Variants in SHC3 observed in about 807,000 individuals in gnomAD.
SHC3 encodes the protein SHC adaptor protein 3, also known as SHC-transforming protein 3.
SHC3 carries 15 observed loss-of-function variants against 60.4 expected under a neutral mutation model. The observed-to-expected ratio is 0.25, with a 90% CI of 0.17 to 0.38. SHC3 has a LOEUF of 0.38. SHC3 is among the 10% of genes least tolerant of loss of function. The probability of loss-of-function intolerance (pLI) is 1.00; values close to 1 mark genes in which losing one functional copy is unlikely to be tolerated. For synonymous variants in SHC3, 294 were observed against 325.9 expected (o/e 0.90, Z 1.05); for missense variants, 677 against 786.1 (o/e 0.86, Z 1.66).
At chr9:89,145,514 C>T (rs1415747681) in intron 1 of SHC3, among the ~76,000 whole-genome samples, 1 of 152,094 alleles carries the variant, frequency 6.6e-6, no homozygotes, top group Non-Finnish European at 1.5e-5. Flanking sequence ...CACAAATGGA[C>T]AAAACGATAA....
chr9:89,035,865 G>GA lies in SHC3; in HGVS notation c.1656+2127_1656+2128insT, dbSNP rs1564089090. Among the ~76,000 whole-genome samples the GA allele has an allele frequency of 1.8e-4, 19 of 103,624 alleles. No homozygotes were observed. The East Asian group carries it at 2.7e-3, about 15-fold the overall frequency. The allele number at this position is 103,624 out of a possible 152,430, so 68.0% of individuals were successfully genotyped here. Reference sequence around the variant, plus strand: ...TATATATATAGATGTGTGTGTGTGTGTGTGTGTGTGTGTGTGTGTGTGTGT... The same window carrying GA: ...TATATATATAGATGTGTGTGTGTGTGATGTGTGTGTGTGTGTGTGTGTGTGT... On this transcript the variant is annotated intron_variant, in intron 11 of 11. Coordinates refer to ENST00000375835, the MANE Select transcript of SHC3 (RefSeq NM_016848.6).
chr9:89,077,083 A>G (rs1366088365), intron 3 of SHC3, among the ~76,000 whole-genome samples: 2 of 152,084 alleles, frequency 1.3e-5, no homozygotes, highest in Non-Finnish European at 1.5e-5. Flanking sequence ...AGGCTGAGCC[A>G]GGAGAATCGC....
In SHC3 at chr9:89,178,529, A is replaced by G. The variant is rs1826983589; in HGVS notation, c.-69T>C. 7.4e-7 allele frequency: 1 copy of G among 1,347,462 alleles called. No individual in the cohort carries two copies. Among genetic ancestry groups the G allele is most frequent in the Non-Finnish European group, 9.7e-7 (1 of 1,032,972 alleles). The allele number at this position is 1,347,462 out of a possible 1,614,324, so 83.5% of individuals were successfully genotyped here. On this transcript the variant is annotated 5_prime_UTR_variant, in exon 1 of 12. An upstream start codon of the reference 5' UTR is lost. Transcript: ENST00000375835. This position sits in a 1 kb window ranked among gnomAD's most constrained non-coding sequence, Gnocchi z 6.9. ...CCGGCCCCGGCGCGGGCTGCCGCGCATAGCAGGCGAGCCACTGTCCCCGGA... is the reference window on the plus strand; with the variant it reads ...CCGGCCCCGGCGCGGGCTGCCGCGCGTAGCAGGCGAGCCACTGTCCCCGGA...
chr9:89,040,026 C>T (rs891441838), intron 10 of SHC3, among the ~76,000 whole-genome samples: 3 of 149,656 alleles, frequency 2.0e-5, no homozygotes, highest in Admixed American at 6.7e-5. Context: ...CCACCACCAT[C>T]GGCATCACCA....
At chr9:89,022,143 A>G (rs1826211703) in intron 11 of SHC3, among the ~76,000 whole-genome samples, 1 of 152,044 alleles carries the variant, frequency 6.6e-6, no homozygotes, top group Non-Finnish European at 1.5e-5. Flanking sequence ...CCACATCCCA[A>G]CAGGGCTGGA....
chr9:89,140,164 T>C (rs1457486593), intron 1 of SHC3, among the ~76,000 whole-genome samples: 1 of 152,198 alleles, frequency 6.6e-6, no homozygotes, highest in Non-Finnish European at 1.5e-5. Flanking sequence ...CTTTTTTATA[T>C]CACAAACACA....
intron 1 of SHC3, among the ~76,000 whole-genome samples, chr9:89,161,063 C>A (rs80297711): frequency 6.6e-6 from 1 of 152,182 alleles, no homozygotes; most frequent in Non-Finnish European, 1.5e-5. Context: ...GTATTTAACA[C>A]GGGCTCCTGC....
rs370707584 is a variant in SHC3 at position 89,009,752 on chromosome 9, A to G, written c.*3695T>C. Reference sequence around the variant, plus strand: ...CGAGGCTTCTGCCCAGCTCAGCCCAACAGAAAAGAAATGTGTGACTGCCTT... The same window carrying G: ...CGAGGCTTCTGCCCAGCTCAGCCCAGCAGAAAAGAAATGTGTGACTGCCTT... On this transcript the variant is annotated 3_prime_UTR_variant, in exon 12 of 12. Transcript: ENST00000375835. 9 of 152,350 alleles carry G rather than the reference A, an allele frequency of 5.9e-5. No individual in the cohort carries two copies. Among genetic ancestry groups the G allele is most frequent in the African/African-American group, 2.2e-4 (9 of 41,560 alleles). The allele number at this position is 152,350 out of a possible 1,614,324, so 9.4% of individuals were successfully genotyped here.
intron 2 of SHC3, among the ~76,000 whole-genome samples, chr9:89,105,221 A>T (rs574492184): frequency 3.3e-5 from 5 of 152,230 alleles, no homozygotes; most frequent in Admixed American, 3.3e-4. Context: ...TTTCTGAAGG[A>T]TGTGAGCCCC....
chr9:89,077,252 C>T (rs958781620), intron 3 of SHC3, among the ~76,000 whole-genome samples: 1 of 151,988 alleles, frequency 6.6e-6, no homozygotes, highest in South Asian at 2.1e-4. Context: ...TCTTTTGCTG[C>T]ATTAACTACT....
chr9:89,115,568 C>T (rs1826008413), intron 1 of SHC3, among the ~76,000 whole-genome samples: 1 of 152,098 alleles, frequency 6.6e-6, no homozygotes, highest in Non-Finnish European at 1.5e-5. Flanking sequence ...ATGTGCATAC[C>T]ACCAGCAGCA....
chr9:89,110,088 C>G (rs189718380), intron 2 of SHC3: 3 of 985,302 alleles, frequency 3.0e-6, no homozygotes, highest in Non-Finnish European at 3.6e-6. Flanking sequence ...AAAGGAAACA[C>G]CTTTCCAAAA....
At chr9:89,172,522 G>C (rs1826883586) in intron 1 of SHC3, among the ~76,000 whole-genome samples, 1 of 150,768 alleles carries the variant, frequency 6.6e-6, no homozygotes, top group Admixed American at 6.6e-5. Flanking sequence ...CACACACACA[G>C]ACACAGACAC....
At position 89,064,085 on chromosome 9, in the gene SHC3, G is replaced by A. The variant is rs1401166524; in HGVS notation, c.835+1444C>T. 3.9e-5 allele frequency among the ~76,000 whole-genome samples: 6 copies of A among 152,232 alleles called. No individual in the cohort carries two copies. In the South Asian group the frequency reaches 1.0e-3, roughly 26 times the overall value. ...GAAGAGGGTGAGGGAGCTCTCTGAG[G>A]TCTCTTTGACAAGAGCACCAAACCC... is the stretch of plus-strand genomic sequence containing the variant. On this transcript the variant is annotated intron_variant, in intron 6 of 11. Transcript: ENST00000375835.
rs1054566528 is a variant in SHC3 at position 89,038,080 on chromosome 9, C to T, written c.1569G>A (p.Lys523=). The T allele has an allele frequency of 1.7e-5, 27 of 1,614,012 alleles. No individual in the cohort carries two copies. Among genetic ancestry groups the T allele is most frequent in the Non-Finnish European group, 2.3e-5 (27 of 1,180,028 alleles). ...LEKDGDFLVR[K]STTNPGSFVL... ...CAAAGGAGCCCGGGTTGGTGGTGCT[C>T]TTCCTGACCAGGAAGTCTCCGTCTT... The change falls in exon 11 of 12, where the codon AAG becomes AAA. Residue 523 remains lysine (K), a synonymous_variant. Coordinates refer to ENST00000375835, the MANE Select transcript of SHC3 (RefSeq NM_016848.6).
intron 6 of SHC3, among the ~76,000 whole-genome samples, chr9:89,062,714 G>C (rs533564610): frequency 6.6e-5 from 10 of 152,204 alleles, no homozygotes; most frequent in Non-Finnish European, 1.5e-4. Flanking sequence ...CATACACAGA[G>C]GGCTAGAAGC....
chr9:89,162,560 ATCCC>A, intron 1 of SHC3, among the ~76,000 whole-genome samples: 1 of 152,338 alleles, frequency 6.6e-6, no homozygotes, highest in South Asian at 2.1e-4. Context: ...CTGAAACTGG[ATCCC>A]TTCCTTACGC....
chr9:89,017,574 G>A (rs1277159283), intron 11 of SHC3, among the ~76,000 whole-genome samples: 4 of 152,128 alleles, frequency 2.6e-5, no homozygotes, highest in Admixed American at 2.6e-4. Flanking sequence ...ATACATTCAG[G>A]ACAAAGGCAT....
At chr9:89,137,040 G>C (rs2118182332) in intron 1 of SHC3, among the ~76,000 whole-genome samples, 1 of 152,138 alleles carries the variant, frequency 6.6e-6, no homozygotes, top group Non-Finnish European at 1.5e-5. Flanking sequence ...AGAGTGAAGG[G>C]GGAGGTGGAT....
Sources: allele counts gnomAD v4.1 joint callset (sites outside exome capture counted in the v4.1 genomes callset), GRCh38; gene constraint gnomAD v4.1.1; non-coding constraint Gnocchi (gnomAD v3.1); transcripts MANE v1.5; gene names NCBI Gene and HGNC (gene_info 2026-07-23, HGNC 2026-07-21).